Variants in STXBP5L observed in about 807,000 individuals in gnomAD.
The protein encoded by STXBP5L is syntaxin binding protein 5L, also known as syntaxin-binding protein 5-like.
Under a neutral mutation model 144.5 loss-of-function variants are expected in STXBP5L, and 65 were observed. The observed-to-expected ratio is 0.45, with a 90% CI of 0.37 to 0.55. STXBP5L has a LOEUF of 0.55. Ranked by LOEUF, STXBP5L falls within the 20% of genes least tolerant of loss-of-function variation. STXBP5L has a pLI of 0.00. For missense variants in STXBP5L, 1,298 were observed against 1,405.5 expected (o/e 0.92, Z 1.22); for synonymous variants, 505 against 469.6 (o/e 1.08, Z -0.97).
Position 121,407,271 on chromosome 3 carries a change from G to A in STXBP5L, c.2616G>A (p.Val872=). ...CATTCCTCTCATTGAAAGGAGCTGT[G>A]CTAACATTCTCCTGTATGGACCGAA... ...SGTFLSLKGA[V]LTFSCMDRMG... The change falls in exon 23 of 27, where the codon GTG becomes GTA. Residue 872 remains valine (V), a synonymous_variant. Transcript: ENST00000471454. The A allele has an allele frequency of 6.3e-7, 1 of 1,592,738 alleles. No homozygotes were observed. The highest frequency in any genetic ancestry group is 1.2e-5 in the South Asian group (1 of 86,834).
chr3:120,937,745 C>T (rs1164907148), intron 2 of STXBP5L, among the ~76,000 whole-genome samples: 1 of 151,846 alleles, frequency 6.6e-6, no homozygotes, highest in East Asian at 1.9e-4. Flanking sequence ...AACAAACAAA[C>T]AAAAAAACTT....
chr3:121,325,124 A>G (rs996072233), intron 20 of STXBP5L, among the ~76,000 whole-genome samples: 14 of 151,834 alleles, frequency 9.2e-5, no homozygotes, highest in Non-Finnish European at 2.9e-5. Flanking sequence ...ACCCCATGCT[A>G]GCTCATAGTG....
chr3:121,419,624 G>GAAAAC lies in STXBP5L; in HGVS notation c.*540_*544dup, dbSNP rs1370149872. The GAAAAC allele has an allele frequency of 6.6e-6, 1 of 152,146 alleles. No homozygotes were observed. The highest frequency in any genetic ancestry group is 1.5e-5 in the Non-Finnish European group (1 of 68,054). The allele number at this position is 152,146 out of a possible 1,614,324, so 9.4% of individuals were successfully genotyped here. A position where few individuals can be genotyped will look rare whatever the true frequency, so the allele number is the denominator to read the frequency against. On this transcript the variant is annotated 3_prime_UTR_variant, in exon 27 of 27. Transcript: ENST00000471454. ...ATATTTGCCATACCCAACTGAAACG[G>GAAAAC]AAAACAAAACAAAACAAGAACCCAG...
At chr3:120,992,136 T>TA (rs943587712) in intron 3 of STXBP5L, among the ~76,000 whole-genome samples, 2 of 152,102 alleles carry the variant, frequency 1.3e-5, no homozygotes, top group Admixed American at 6.6e-5. Flanking sequence ...CTTTTTTCTT[T>TA]AAAAAAACTT....
chr3:121,196,236 C>G (rs141857719), intron 9 of STXBP5L, among the ~76,000 whole-genome samples: 1 of 151,406 alleles, frequency 6.6e-6, no homozygotes, highest in East Asian at 2.0e-4. Flanking sequence ...CTTGGCTCAC[C>G]GCAACCTCTG....
At chr3:121,200,240 T>C (rs924412417) in intron 9 of STXBP5L, among the ~76,000 whole-genome samples, 2 of 152,340 alleles carry the variant, frequency 1.3e-5, no homozygotes, top group South Asian at 4.1e-4. Context: ...AATTTATCCA[T>C]TTCTTCCAGA....
chr3:120,987,744 T>C (rs1942429182), intron 3 of STXBP5L, among the ~76,000 whole-genome samples: 1 of 151,638 alleles, frequency 6.6e-6, no homozygotes, highest in African/African-American at 2.4e-5. Flanking sequence ...TATACTTAAA[T>C]ATTAGTTTTA....
chr3:121,167,313 C>T (rs2046535301), intron 9 of STXBP5L, among the ~76,000 whole-genome samples: 1 of 152,126 alleles, frequency 6.6e-6, no homozygotes, highest in Non-Finnish European at 1.5e-5. Flanking sequence ...AAAGAATACA[C>T]ATTTCAAATT....
At chr3:120,989,897 C>G (rs1190647673) in intron 3 of STXBP5L, among the ~76,000 whole-genome samples, 4 of 152,090 alleles carry the variant, frequency 2.6e-5, no homozygotes, top group South Asian at 4.1e-4. Context: ...AAAACTGGCA[C>G]AAGACAGGGA....
chr3:121,034,031 A>G (rs1333608986), intron 3 of STXBP5L, among the ~76,000 whole-genome samples: 1 of 152,144 alleles, frequency 6.6e-6, no homozygotes, highest in Middle Eastern at 3.2e-3. Context: ...TAGGAAACTA[A>G]GCTTTGGATA....
At chr3:121,341,862 T>A (rs2044725316) in intron 20 of STXBP5L, among the ~76,000 whole-genome samples, 1 of 110,630 alleles carries the variant, frequency 9.0e-6, no homozygotes, top group Admixed American at 8.1e-5. Flanking sequence ...AGAAGGGTAG[T>A]GAAGGGAAAG....
At chr3:121,168,915 A>G (rs1358170456) in intron 9 of STXBP5L, among the ~76,000 whole-genome samples, 2 of 152,192 alleles carry the variant, frequency 1.3e-5, no homozygotes, top group African/African-American at 2.4e-5. Flanking sequence ...AAATGAAGGA[A>G]AAAACATTAA....
At chr3:121,135,373 A>G (rs2045200521) in intron 7 of STXBP5L, among the ~76,000 whole-genome samples, 2 of 152,206 alleles carry the variant, frequency 1.3e-5, no homozygotes. Context: ...GTGAGGAGAC[A>G]TTCAAACCAT....
chr3:121,412,727 C>CAAAAAAAAAAAAAAAAAAA lies in STXBP5L; in HGVS notation c.2949-427_2949-409dup, dbSNP rs35247157. On this transcript the variant is annotated intron_variant, in intron 23 of 26. Transcript: ENST00000471454. Reference sequence around the variant, plus strand: ...ATGAAAATAAAGTTGTTTCTCCCTCCAAAAAAAAAAAAAAAAAAAAAACAA... The same window carrying CAAAAAAAAAAAAAAAAAAA: ...ATGAAAATAAAGTTGTTTCTCCCTCCAAAAAAAAAAAAAAAAAAAAAAAAAAAAAAAAAAAAAAAAACAA... Among the ~76,000 whole-genome samples the CAAAAAAAAAAAAAAAAAAA allele has an allele frequency of 7.2e-4, 50 of 69,602 alleles. 1 individual carries two copies. Among genetic ancestry groups the CAAAAAAAAAAAAAAAAAAA allele is most frequent in the East Asian group, 1.9e-3 (4 of 2,150 alleles). 45.7% of individuals were successfully genotyped at this position (69,602 alleles called of 152,430 possible). A position where few individuals can be genotyped will look rare whatever the true frequency, so the allele number is the denominator to read the frequency against.
chr3:121,195,729 ACT>A (rs1281254187), intron 9 of STXBP5L, among the ~76,000 whole-genome samples: 1 of 152,202 alleles, frequency 6.6e-6, no homozygotes, highest in Non-Finnish European at 1.5e-5. Context: ...TGGGGACAGG[ACT>A]ACAGCTCAAA....
chr3:120,927,457 C>G (rs1439336805), intron 2 of STXBP5L, among the ~76,000 whole-genome samples: 3 of 152,184 alleles, frequency 2.0e-5, no homozygotes, highest in African/African-American at 7.2e-5. Context: ...AGGGATATTT[C>G]TTACTTCAGG....
intron 21 of STXBP5L, 63 bp downstream of exon 21, chr3:121,378,949 A>G: frequency 6.6e-7 from 1 of 1,504,976 alleles, no homozygotes; most frequent in East Asian, 2.3e-5. Context: ...GGTAATGGGA[A>G]CAGAGATATG....
intron 19 of STXBP5L, among the ~76,000 whole-genome samples, chr3:121,290,936 C>A (rs2051416867): frequency 6.6e-6 from 1 of 152,042 alleles, no homozygotes; most frequent in Non-Finnish European, 1.5e-5. Flanking sequence ...GATGTACAGA[C>A]AACATTTTAC....
At chr3:120,947,240 C>G (rs1193566217) in intron 2 of STXBP5L, among the ~76,000 whole-genome samples, 1 of 151,742 alleles carries the variant, frequency 6.6e-6, no homozygotes, top group Non-Finnish European at 1.5e-5. Flanking sequence ...TTGACTTTGT[C>G]TAAAACTGAG....
Sources: allele counts gnomAD v4.1 joint callset (sites outside exome capture counted in the v4.1 genomes callset), GRCh38; gene constraint gnomAD v4.1.1; transcripts MANE v1.5; gene names NCBI Gene and HGNC (gene_info 2026-07-23, HGNC 2026-07-21).